UNKL: variants seen among roughly 807,000 people sequenced by gnomAD.
UNKL encodes unk like zinc finger.
Under a neutral mutation model 78.0 loss-of-function variants are expected in UNKL, and 60 were observed. That is an observed-to-expected ratio of 0.77 (90% CI 0.63 to 0.95). UNKL has a LOEUF of 0.95. Among genes scored for constraint, UNKL ranks in the 40% least tolerant of loss-of-function variants. The pLI, the probability that UNKL is intolerant of heterozygous loss-of-function variation, is 0.00. For missense variants in UNKL, 1,159 were observed against 1,045.7 expected, an observed-to-expected ratio of 1.11 and a Z score of -1.49; for synonymous variants, 608 against 474.8, an observed-to-expected ratio of 1.28 and a Z score of -3.65.
In UNKL at chr16:1,367,158, G is replaced by A. The variant is rs1169334694; in HGVS notation, c.1980C>T (p.Thr660=). 6.2e-7 allele frequency: 1 copy of A among 1,603,794 alleles called. No homozygotes were observed. Among genetic ancestry groups the A allele is most frequent in the Non-Finnish European group, 8.5e-7 (1 of 1,177,342 alleles). ...GCGAGTGCAGCTTCGGCAGGGGAATGGTGCCGATGTCCCCACAGCCCCGCA... is the reference window on the plus strand; with the variant it reads ...GCGAGTGCAGCTTCGGCAGGGGAATAGTGCCGATGTCCCCACAGCCCCGCA... The part of the protein sequence containing the change: ...PGLRGCGDIG[T]IPLPKLHSLQ... Residue 660 remains threonine (T), a synonymous_variant, in exon 14 of 15, where the codon ACC becomes ACT. Transcript: ENST00000389221.
chr16:1,402,819 C>A (rs2037587355), intron 3 of UNKL, among the ~76,000 whole-genome samples: 1 of 149,362 alleles, frequency 6.7e-6, no homozygotes, highest in African/African-American at 2.5e-5. Context: ...CCCATCTCTA[C>A]TAAACATACA....
At chr16:1,367,415 G>A in intron 13 of UNKL, 66 bp from the exon 14 acceptor site, 8 of 1,474,636 alleles carry the variant, frequency 5.4e-6, no homozygotes, top group South Asian at 1.3e-5. Context: ...CCTCTTGCCT[G>A]TGTCACCAGC....
chr16:1,413,968 C>A lies in UNKL; in HGVS notation c.165G>T (p.Trp55Cys). 1 of 1,552,698 alleles carries A rather than the reference C, an allele frequency of 6.4e-7. No homozygotes were observed. The highest frequency in any genetic ancestry group is 1.2e-5 in the South Asian group (1 of 84,226). Reference protein sequence around the residue: ...AQHRPFTCFHWHFLNQRRRRP... With the variant: ...AQHRPFTCFHCHFLNQRRRRP... ...TGCGGCGCCGCTGGTTGAGGAAGTG[C>A]CAGTGGAAGCAGGTGAACGGCCGGT... is the stretch of plus-strand genomic sequence containing the variant. The change falls in exon 2 of 15, where the codon TGG (tryptophan) becomes TGT (cysteine). Residue 55 changes from tryptophan to cysteine, a missense_variant. Transcript: ENST00000389221.
At chr16:1,398,573 C>T in intron 5 of UNKL, 1 of 1,396,684 alleles carries the variant, frequency 7.2e-7, no homozygotes, top group Non-Finnish European at 9.3e-7. Context: ...CCAGGTCATT[C>T]AAAAGAGGCG....
intron 6 of UNKL, among the ~76,000 whole-genome samples, chr16:1,396,529 G>A (rs1032944465): frequency 3.3e-5 from 5 of 151,402 alleles, no homozygotes; most frequent in Admixed American, 2.6e-4. Flanking sequence ...GCCCGCCTCT[G>A]CCTCCCAAAG....
chr16:1,368,083 C>G, intron 12 of UNKL: 16 of 488,132 alleles, frequency 3.3e-5, no homozygotes, highest in South Asian at 1.7e-4. Context: ...GTCTCCCCAC[C>G]AGATCTACGC....
chr16:1,398,245 C>T (rs1325297621), intron 5 of UNKL: 1 of 971,378 alleles, frequency 1.0e-6, no homozygotes, highest in Non-Finnish European at 1.2e-6. Context: ...CCACCGCACT[C>T]CAGCCTGGGC....
chr16:1,397,332 T>G (rs1362566338), intron 5 of UNKL, 37 bp from the exon 6 acceptor site: 1 of 513,354 alleles, frequency 1.9e-6, no homozygotes, highest in Non-Finnish European at 2.7e-6. Flanking sequence ...CACAGAGGAC[T>G]TGGCTCCCCG....
chr16:1,390,847 T>C (rs1434692370), intron 8 of UNKL, among the ~76,000 whole-genome samples, 153 bp from the exon 9 acceptor site: 1 of 151,976 alleles, frequency 6.6e-6, no homozygotes, highest in Non-Finnish European at 1.5e-5. Context: ...CTGGCCAACA[T>C]GGTGAAAACC....
chr16:1,395,805 A>C (rs1385370953), intron 6 of UNKL: 1 of 455,270 alleles, frequency 2.2e-6, no homozygotes, highest in African/African-American at 2.0e-5. Context: ...CGGACTCCCG[A>C]CAGGCCCCTG....
intron 9 of UNKL, among the ~76,000 whole-genome samples, chr16:1,388,438 C>A (rs1335891611): frequency 6.6e-6 from 1 of 152,152 alleles, no homozygotes; most frequent in Non-Finnish European, 1.5e-5. Flanking sequence ...CGGAGGCCTT[C>A]CCCAGCCTAC....
intron 12 of UNKL, among the ~76,000 whole-genome samples, chr16:1,369,055 GTTTTTTTTTTTTTT>G (rs1218071522): frequency 7.5e-5 from 4 of 53,690 alleles, no homozygotes; most frequent in Admixed American, 3.1e-4. Context: ...CAAAGTATTA[GTTTTTTTTTTTTTT>G]TTTTTTTTTT....
chr16:1,366,882 G>A (rs934691682), intron 14 of UNKL, among the ~76,000 whole-genome samples: 2 of 29,018 alleles, frequency 6.9e-5, no homozygotes, highest in Admixed American at 1.0e-3. Context: ...GCAAGGGCCA[G>A]CCTGACAGGA....
rs527594597 is a variant in UNKL at position 1,387,093 on chromosome 16, C to T, written c.1087-1708G>A. Among the ~76,000 whole-genome samples, 105 of 151,512 alleles carry T rather than the reference C, an allele frequency of 6.9e-4. 1 individual carries two copies. The highest frequency in any genetic ancestry group is 1.8e-4 in the Non-Finnish European group (12 of 67,754). The stretch of plus-strand genomic sequence containing the variant: ...GCAGACCCTCCCAGCCATGCAGCAC[C>T]GGGGACCCTCCCAGCAATGCAGCAC... On this transcript the variant is annotated intron_variant, in intron 9 of 14. Transcript: ENST00000389221. This position sits in a 1 kb window ranked among gnomAD's most constrained non-coding sequence, Gnocchi z 4.1.
chr16:1,406,623 A>G (rs1038409591), intron 2 of UNKL, among the ~76,000 whole-genome samples: 2 of 152,060 alleles, frequency 1.3e-5, no homozygotes, highest in African/African-American at 4.8e-5. Flanking sequence ...TGCAGGTATG[A>G]GCCACTGCAC....
At chr16:1,366,891 G>GAAAGGCGGCTCCCAGGGGA (rs566767913) in intron 14 of UNKL, among the ~76,000 whole-genome samples, 2 of 152,234 alleles carry the variant, frequency 1.3e-5, no homozygotes, top group Admixed American at 1.3e-4. Context: ...AGCCTGACAG[G>GAAAGGCGGCTCCCAGGGGA]AAAGGCGGCT....
intron 9 of UNKL, among the ~76,000 whole-genome samples, chr16:1,389,072 G>A (rs1157535210): frequency 7.1e-5 from 6 of 85,034 alleles, no homozygotes; most frequent in Non-Finnish European, 1.4e-4. Context: ...CCCCGGCCCC[G>A]GCCCCCACCA....
chr16:1,408,059 C>T (rs1273182004), intron 2 of UNKL, among the ~76,000 whole-genome samples: 1 of 152,026 alleles, frequency 6.6e-6, no homozygotes, highest in African/African-American at 2.4e-5. Flanking sequence ...GAGCCAAGAT[C>T]GAGCCACGGC....
In UNKL at chr16:1,398,936, T is replaced by G. The variant is rs755871681; in HGVS notation, c.734+438A>C. ...CAGCCTAAGGACCCGGCGTCCCAGC[T>G]GCCAGCTGTGAAGACAAGATTGAGC... is the stretch of plus-strand genomic sequence containing the variant. On this transcript the variant is annotated intron_variant, in intron 5 of 14. Coordinates refer to ENST00000389221, the MANE Select transcript of UNKL (RefSeq NM_001372107.1). 5.2e-6 allele frequency: 8 copies of G among 1,548,222 alleles called. No individual in the cohort carries two copies. The African/African-American group carries it at 1.1e-4, about 21-fold the overall frequency.
Sources: gnomAD v4.1 joint callset for allele counts (sites outside exome capture counted in the v4.1 genomes callset) on GRCh38, gnomAD v4.1.1 for gene constraint, Gnocchi (gnomAD v3.1) non-coding constraint, MANE v1.5 for transcripts, NCBI Gene and HGNC (gene_info 2026-07-23, HGNC 2026-07-21) for gene names.